Variants in CLEC19A observed in about 807,000 individuals in gnomAD.
CLEC19A encodes C-type lectin domain containing 19A.
Under a neutral mutation model 26.1 loss-of-function variants are expected in CLEC19A, and 21 were observed. The ratio of observed to expected loss-of-function variants is 0.80; its 90% CI spans 0.57 to 1.16. CLEC19A has a LOEUF of 1.16. Ranked by LOEUF, CLEC19A falls within the 50% of genes most tolerant of loss-of-function variation. CLEC19A has a pLI of 0.00. For synonymous variants in CLEC19A, 89 were observed against 88.6 expected (o/e 1.00, Z -0.03); for missense variants, 224 against 227.6 (o/e 0.98, Z 0.10).
chr16:19,293,981 T>C (rs1000099485), intron 1 of CLEC19A, among the ~76,000 whole-genome samples: 6 of 152,148 alleles, frequency 3.9e-5, no homozygotes, highest in African/African-American at 1.4e-4. Flanking sequence ...TGTTGTGGTA[T>C]CAAATACTAG....
chr16:19,286,150 C>A (rs1897465992), intron 1 of CLEC19A, among the ~76,000 whole-genome samples: 1 of 152,224 alleles, frequency 6.6e-6, no homozygotes, highest in African/African-American at 2.4e-5. Flanking sequence ...TTGCAGTTTA[C>A]AAGCTGTGTG....
At chr16:19,293,515 T>C (rs552783660) in intron 1 of CLEC19A, among the ~76,000 whole-genome samples, 2 of 152,092 alleles carry the variant, frequency 1.3e-5, no homozygotes, top group South Asian at 4.2e-4. Context: ...CAGGCTGGAG[T>C]GCAGTGCTGC....
intron 2 of CLEC19A, among the ~76,000 whole-genome samples, chr16:19,302,803 C>T (rs1597087357): frequency 1.3e-5 from 2 of 152,272 alleles, no homozygotes; most frequent in East Asian, 3.9e-4. Flanking sequence ...TTTGGCTTTC[C>T]TTCAGCGTCT....
chr16:19,290,658 C>T (rs1047523425), intron 1 of CLEC19A, among the ~76,000 whole-genome samples: 2 of 152,150 alleles, frequency 1.3e-5, no homozygotes, highest in African/African-American at 4.8e-5. Flanking sequence ...GTGTCATAAT[C>T]ACCTATGGGA....
rs1409330060 is a variant in CLEC19A, at chr16:19,307,433, C to T, written c.349-112C>T. The T allele has an allele frequency of 2.5e-6, 3 of 1,186,230 alleles. No individual in the cohort carries two copies. In the East Asian group the frequency reaches 7.7e-5, roughly 30 times the overall value. The allele number at this position is 1,186,230 out of a possible 1,614,324, so 73.5% of individuals were successfully genotyped here. A position where few individuals can be genotyped will look rare whatever the true frequency, so the allele number is the denominator to read the frequency against. Reference sequence around the variant, plus strand: ...AGTAGCCTCAATGAAGACATCTGTGCAGAGGTGTTAGAAATTAAGTTGCTA... The same window carrying T: ...AGTAGCCTCAATGAAGACATCTGTGTAGAGGTGTTAGAAATTAAGTTGCTA... On this transcript the variant is annotated intron_variant, in intron 3 of 4. Coordinates refer to ENST00000636231, the MANE Select transcript of CLEC19A (RefSeq NM_001256720.2).
intron 1 of CLEC19A, among the ~76,000 whole-genome samples, chr16:19,296,310 C>T (rs17222822): frequency 0.18 from 27,110 of 152,190 alleles, 2,855 homozygotes; most frequent in Non-Finnish European, 0.22. Context: ...AGCAACTGTC[C>T]CTTTCTTTCC....
intron 3 of CLEC19A, among the ~76,000 whole-genome samples, chr16:19,307,332 A>G (rs772303584): frequency 2.6e-5 from 4 of 152,244 alleles, no homozygotes; most frequent in African/African-American, 9.6e-5. Context: ...ATGGCACATA[A>G]TAAGCCCTCA....
chr16:19,295,127 C>G (rs1197798160), intron 1 of CLEC19A, among the ~76,000 whole-genome samples: 1 of 152,152 alleles, frequency 6.6e-6, no homozygotes, highest in Non-Finnish European at 1.5e-5. Flanking sequence ...TTCCCCCTCA[C>G]TGCTTGAGAG....
chr16:19,288,717 G>C (rs967584322), intron 1 of CLEC19A, among the ~76,000 whole-genome samples: 1 of 152,182 alleles, frequency 6.6e-6, no homozygotes, highest in African/African-American at 2.4e-5. Context: ...CTGGCACCCA[G>C]TAAGAGCTAC....
chr16:19,301,764 TGTA>T (rs1567255518), intron 2 of CLEC19A, among the ~76,000 whole-genome samples: 155 of 127,598 alleles, frequency 1.2e-3, no homozygotes, highest in South Asian at 2.0e-3. Flanking sequence ...TTTTTTTTTT[TGTA>T]TTTTTAGCAG....
At chr16:19,301,914 G>C (rs972183104) in intron 2 of CLEC19A, among the ~76,000 whole-genome samples, 17 of 151,712 alleles carry the variant, frequency 1.1e-4, no homozygotes, top group Non-Finnish European at 2.5e-4. Flanking sequence ...TTAAACTTGT[G>C]AGGCATTAAA....
intron 3 of CLEC19A, among the ~76,000 whole-genome samples, chr16:19,305,475 C>T (rs756818610): frequency 2.6e-5 from 4 of 152,138 alleles, no homozygotes; most frequent in Non-Finnish European, 5.9e-5. Context: ...AGATTTTTGT[C>T]CTCAAATTTT....
chr16:19,286,088 T>C, intron 1 of CLEC19A, 149 bp downstream of exon 1: 2 of 738,526 alleles, frequency 2.7e-6, no homozygotes, highest in Non-Finnish European at 4.5e-6. Flanking sequence ...AGCTTTGTCA[T>C]GGGCACTCTT....
chr16:19,309,442 A>G lies in CLEC19A; in HGVS notation c.*359A>G, dbSNP rs1898024895. 6.6e-6 allele frequency: 1 copy of G among 152,602 alleles called. No homozygotes were observed. The highest frequency in any genetic ancestry group is 6.7e-5 in the Admixed American group (1 of 14,928). 9.5% of individuals were successfully genotyped at this position (152,602 alleles called of 1,614,324 possible). On this transcript the variant is annotated 3_prime_UTR_variant, in exon 5 of 5. Transcript: ENST00000636231. ...GTGGCTAGCTCCTGCTTAGCTGTAC[A>G]TCTTTGGACAAAATGGGGTGGAAGT...
rs769866015 is a variant in CLEC19A at position 19,307,530 on chromosome 16, G to A, written c.349-15G>A. On this transcript the variant is annotated splice_polypyrimidine_tract_variant and intron_variant, in intron 3 of 4. Transcript: ENST00000636231. ...TTGGCTTGCTTCTTTGTCTCTTTGG[G>A]TGGAACCCTCCCAGGAAGGGCAGTT... 6 of 1,547,508 alleles carry A rather than the reference G, an allele frequency of 3.9e-6. No individual in the cohort carries two copies. In the South Asian group the frequency reaches 4.8e-5, roughly 12 times the overall value.
chr16:19,295,921 G>C (rs79131687), intron 1 of CLEC19A, among the ~76,000 whole-genome samples: 3,910 of 152,224 alleles, frequency 0.026, 154 homozygotes, highest in South Asian at 0.16. Flanking sequence ...GGCCATTGAC[G>C]CTTTAACGCA....
In CLEC19A at chr16:19,307,576, C is replaced by T; in HGVS notation, c.380C>T (p.Ser127Phe). Residue 127 changes from serine (S) to phenylalanine (F), a missense_variant, in exon 4 of 5, where the codon TCC becomes TTC. Transcript: ENST00000636231. ...CAGTTTGAATGGACTGATGGCTCAT[C>T]CTATGACTACAGCTACTGGGATGGC... The part of the protein sequence containing the change: ...EGQFEWTDGS[S>F]YDYSYWDGSQ... 2 of 1,548,238 alleles carry T rather than the reference C, an allele frequency of 1.3e-6. No homozygotes were observed. Among genetic ancestry groups the T allele is most frequent in the Middle Eastern group, 4.6e-4 (2 of 4,360 alleles).
chr16:19,298,776 C>T lies in CLEC19A; in HGVS notation c.192C>T (p.Ala64=). 4 of 1,550,704 alleles carry T rather than the reference C, an allele frequency of 2.6e-6. No individual in the cohort carries two copies. The highest frequency in any genetic ancestry group is 2.4e-5 in the East Asian group (1 of 40,900). Residue 64 remains alanine (A), a synonymous_variant, in exon 2 of 5, where the codon GCC becomes GCT. Transcript: ENST00000636231. ...CTCTCAATAAGACCTGGGCTGAGGC[C>T]GACCTCTACTGTTCTGAGTTCTCTG... ...FFPLNKTWAE[A]DLYCSEFSVG...
intron 1 of CLEC19A, among the ~76,000 whole-genome samples, chr16:19,286,929 A>C (rs1439368245): frequency 6.6e-6 from 1 of 152,094 alleles, no homozygotes; most frequent in Non-Finnish European, 1.5e-5. Flanking sequence ...ATTATTTCTT[A>C]GTGTAAGCAT....
Sources: allele counts gnomAD v4.1 joint callset (sites outside exome capture counted in the v4.1 genomes callset), GRCh38; gene constraint gnomAD v4.1.1; transcripts MANE v1.5; gene names NCBI Gene and HGNC (gene_info 2026-07-23, HGNC 2026-07-21).